Variants in TASP1 observed in about 807,000 individuals in gnomAD.
TASP1 encodes taspase 1.
Under a neutral mutation model 56.6 loss-of-function variants are expected in TASP1, and 16 were observed. That is an observed-to-expected ratio of 0.28 (90% CI 0.19 to 0.43). The LOEUF is 0.43. TASP1 is among the 20% of genes least tolerant of loss of function. The pLI is 1.00. For missense variants in TASP1, 393 were observed against 511.6 expected (o/e 0.77, Z 2.24); for synonymous variants, 179 against 184.2 (o/e 0.97, Z 0.23).
intron 4 of TASP1, among the ~76,000 whole-genome samples, chr20:13,589,684 G>A (rs6134922): frequency 0.14 from 20,725 of 151,624 alleles, 1,477 homozygotes; most frequent in Middle Eastern, 0.21. Flanking sequence ...CAAAATGGAA[G>A]AAAAAATTTC....
At chr20:13,183,700 T>C in the TASP1 span, among the ~76,000 whole-genome samples, 1 of 152,154 alleles carries the variant, frequency 6.6e-6, no homozygotes, top group Non-Finnish European at 1.5e-5. Flanking sequence ...TGGCAGATTA[T>C]CAAGCAATAG....
the TASP1 span, among the ~76,000 whole-genome samples, chr20:13,123,615 A>G: frequency 1.3e-5 from 2 of 152,144 alleles, no homozygotes; most frequent in African/African-American, 4.8e-5. Context: ...CCAAGGGGAC[A>G]GTTCCTCATC....
chr20:13,141,377 G>A, the TASP1 span, among the ~76,000 whole-genome samples: 10 of 152,216 alleles, frequency 6.6e-5, no homozygotes, highest in African/African-American at 1.2e-4. Flanking sequence ...ACTGTGGTGC[G>A]GGTGATAAAA....
At chr20:13,510,921 T>C (rs978189905) in intron 10 of TASP1, among the ~76,000 whole-genome samples, 1 of 152,172 alleles carries the variant, frequency 6.6e-6, no homozygotes, top group Non-Finnish European at 1.5e-5. Context: ...TTTAGTAGGA[T>C]ACCGGTGGCC....
chr20:13,113,194 C>CA, the TASP1 span, among the ~76,000 whole-genome samples: 3 of 151,962 alleles, frequency 2.0e-5, no homozygotes, highest in South Asian at 4.2e-4. Context: ...ACAACAACAA[C>CA]AACAAAAAAT....
chr20:13,311,750 C>G, the TASP1 span, among the ~76,000 whole-genome samples: 2 of 152,072 alleles, frequency 1.3e-5, no homozygotes, highest in Non-Finnish European at 2.9e-5. Flanking sequence ...CTCATACCAG[C>G]AGAGAGTAGA....
chr20:13,180,871 C>A, the TASP1 span, among the ~76,000 whole-genome samples: 1 of 152,152 alleles, frequency 6.6e-6, no homozygotes, highest in African/African-American at 2.4e-5. Flanking sequence ...ACCCAATGAT[C>A]TGGTTAAAAG....
At chr20:13,205,678 T>C in the TASP1 span, among the ~76,000 whole-genome samples, 124 of 152,108 alleles carry the variant, frequency 8.2e-4, 3 homozygotes, top group Non-Finnish European at 2.5e-4. Context: ...ACCCAACTAC[T>C]TCCCAACAGC....
the TASP1 span, among the ~76,000 whole-genome samples, chr20:13,313,377 T>C: frequency 0.37 from 56,397 of 152,160 alleles, 11,401 homozygotes; most frequent in East Asian, 0.67. Flanking sequence ...CTTACTCTTG[T>C]GTCAATCACA....
At chr20:13,146,476 T>C in the TASP1 span, among the ~76,000 whole-genome samples, 22 of 152,186 alleles carry the variant, frequency 1.4e-4, no homozygotes, top group Admixed American at 3.9e-4. Context: ...CAGAAGGCCC[T>C]CAGCTTCCCA....
chr20:13,461,267 A>G (rs986714614), intron 11 of TASP1, among the ~76,000 whole-genome samples: 2 of 152,194 alleles, frequency 1.3e-5, no homozygotes, highest in African/African-American at 2.4e-5. Flanking sequence ...TGCATTTTCT[A>G]TCCACCTTTT....
intron 13 of TASP1, among the ~76,000 whole-genome samples, chr20:13,406,461 A>G (rs1156548114): frequency 6.6e-6 from 1 of 151,904 alleles, no homozygotes; most frequent in East Asian, 1.9e-4. Context: ...TTTATCTTTT[A>G]TTTGCTTTAT....
chr20:13,381,053 C>T, the TASP1 span, among the ~76,000 whole-genome samples: 1 of 152,270 alleles, frequency 6.6e-6, no homozygotes, highest in African/African-American at 2.4e-5. Context: ...ACTTGGCTCC[C>T]TGGCTTCAGC....
the TASP1 span, among the ~76,000 whole-genome samples, chr20:13,366,513 T>TA: frequency 6.6e-6 from 1 of 152,292 alleles, no homozygotes; most frequent in African/African-American, 2.4e-5. Flanking sequence ...GTTTGCACTA[T>TA]TTCAGCCCCA....
chr20:13,517,219 T>C (rs896100031), intron 10 of TASP1, among the ~76,000 whole-genome samples: 9 of 152,118 alleles, frequency 5.9e-5, no homozygotes, highest in South Asian at 2.1e-4. Context: ...CCAGGTTTCA[T>C]GTCTTTTGAG....
chr20:13,149,650 T>C, the TASP1 span, among the ~76,000 whole-genome samples: 1 of 152,210 alleles, frequency 6.6e-6, no homozygotes, highest in East Asian at 1.9e-4. Context: ...CTGTGCTAAA[T>C]GGTTTAAAGA....
intron 11 of TASP1, among the ~76,000 whole-genome samples, chr20:13,480,258 G>C (rs2043090850): frequency 6.6e-6 from 1 of 152,164 alleles, no homozygotes; most frequent in Non-Finnish European, 1.5e-5. Flanking sequence ...GAAGCAACTT[G>C]TTTAACCAAT....
chr20:13,494,013 T>G (rs1282473749), intron 10 of TASP1, among the ~76,000 whole-genome samples: 1 of 152,192 alleles, frequency 6.6e-6, no homozygotes, highest in Admixed American at 6.5e-5. Context: ...GCTAAGATTG[T>G]ATCACTATAT....
the TASP1 span, among the ~76,000 whole-genome samples, chr20:13,316,605 T>C: frequency 6.6e-6 from 1 of 151,950 alleles, no homozygotes; most frequent in African/African-American, 2.4e-5. Flanking sequence ...AAGTGGGATT[T>C]ATCCTAGATA....
Sources: allele counts gnomAD v4.1 joint callset (sites outside exome capture counted in the v4.1 genomes callset), GRCh38; gene constraint gnomAD v4.1.1; transcripts MANE v1.5; gene names NCBI Gene and HGNC (gene_info 2026-07-23, HGNC 2026-07-21).